Variants in PI4KB observed in about 807,000 individuals in gnomAD.
PI4KB encodes PtdIns 4-kinase beta.
In PI4KB, 23 loss-of-function variants were observed where a neutral mutation model predicts 81.4. That is an observed-to-expected ratio of 0.28 (90% CI 0.20 to 0.40). PI4KB has a LOEUF of 0.40. PI4KB is among the 10% of genes least tolerant of loss of function. The pLI is 1.00. For synonymous variants in PI4KB, 381 were observed against 406.8 expected, an observed-to-expected ratio of 0.94 and a Z score of 0.76; for missense variants, 651 against 1,036.6, an observed-to-expected ratio of 0.63 and a Z score of 5.11.
chr1:151,318,573 G>A (rs1031107827), intron 1 of PI4KB, among the ~76,000 whole-genome samples: 3 of 152,024 alleles, frequency 2.0e-5, no homozygotes, highest in Non-Finnish European at 2.9e-5. Flanking sequence ...TTAGCTGGGC[G>A]TGGTGGCGCA....
At chr1:151,327,472 C>G (rs1211870072), upstream of PI4KB, 2 of 396,866 alleles carry the variant, frequency 5.0e-6, no homozygotes, top group South Asian at 2.6e-4. Flanking sequence ...CAAGTTCGAC[C>G]GGGCCACACA....
intron 5 of PI4KB, among the ~76,000 whole-genome samples, chr1:151,304,445 G>A (rs1557795510): frequency 2.0e-5 from 3 of 150,316 alleles, no homozygotes; most frequent in Non-Finnish European, 4.4e-5. Flanking sequence ...CCAGGTTCAA[G>A]CGATTCTCCT....
rs1367335821 is a variant in PI4KB at position 151,292,530 on chromosome 1, A to G, written c.*322T>C. Reference sequence around the variant, plus strand: ...GAAAGAACCTCTGAGAGACCCCTACAAGGAGAAGAAAGGCCCCAGTGTCCC... The same window carrying G: ...GAAAGAACCTCTGAGAGACCCCTACGAGGAGAAGAAAGGCCCCAGTGTCCC... On this transcript the variant is annotated 3_prime_UTR_variant, in exon 12 of 12. Coordinates refer to ENST00000368873, the MANE Select transcript of PI4KB (RefSeq NM_001369623.2). 7 of 279,766 alleles carry G rather than the reference A, an allele frequency of 2.5e-5. No homozygotes were observed. The highest frequency in any genetic ancestry group is 4.8e-5 in the Non-Finnish European group (7 of 146,430). The allele number at this position is 279,766 out of a possible 1,614,324, so 17.3% of individuals were successfully genotyped here. A position where few individuals can be genotyped will look rare whatever the true frequency, so the allele number is the denominator to read the frequency against.
intron 3 of PI4KB, among the ~76,000 whole-genome samples, chr1:151,308,149 G>C (rs1482594074): frequency 1.3e-5 from 2 of 152,208 alleles, no homozygotes; most frequent in Admixed American, 6.5e-5. Flanking sequence ...CAGGGCCACA[G>C]AGAGAAGAGC....
rs1475437316 is a variant in PI4KB at position 151,306,495 on chromosome 1, A to G, written c.1183-132T>C. 1.6e-5 allele frequency: 10 copies of G among 644,678 alleles called. No homozygotes were observed. In the Admixed American group the frequency reaches 1.8e-4, roughly 11 times the overall value. 39.9% of individuals were successfully genotyped at this position (644,678 alleles called of 1,614,324 possible). ...CTTCATCCAATAGTCCTCTGAAACT[A>G]TGAACACTATATTTAGGGCAGATAC... On this transcript the variant is annotated intron_variant, in intron 4 of 11. Coordinates refer to ENST00000368873, the MANE Select transcript of PI4KB (RefSeq NM_001369623.2).
chr1:151,302,555 A>G (rs2101937599), intron 6 of PI4KB, among the ~76,000 whole-genome samples: 1 of 150,414 alleles, frequency 6.6e-6, no homozygotes, highest in African/African-American at 2.4e-5. Context: ...TGTCTCTAGA[A>G]TTTGCATTTT....
chr1:151,293,545 A>G, intron 11 of PI4KB: 2 of 552,824 alleles, frequency 3.6e-6, no homozygotes, highest in Non-Finnish European at 5.5e-6. Context: ...GAGGAGGGGG[A>G]TGAGGACAGA....
chr1:151,301,468 G>A (rs952890719), intron 8 of PI4KB, among the ~76,000 whole-genome samples: 3 of 151,974 alleles, frequency 2.0e-5, no homozygotes, highest in Admixed American at 6.6e-5. Flanking sequence ...TGCAATCTCC[G>A]CTCACTGCAA....
chr1:151,293,714 C>CA (rs928536311), intron 11 of PI4KB: 2 of 350,182 alleles, frequency 5.7e-6, no homozygotes, highest in East Asian at 1.5e-4. Flanking sequence ...CTGAGAAACT[C>CA]AGAGCTGGAC....
Position 151,292,781 on chromosome 1 carries a change from G to T in PI4KB, c.*71C>A. Reference sequence around the variant, plus strand: ...TGGGTAGGTGGGGTTTCCTGGTTTGGGGTTTCTCAGACAAGGGCCCTCTAG... The same window carrying T: ...TGGGTAGGTGGGGTTTCCTGGTTTGTGGTTTCTCAGACAAGGGCCCTCTAG... On this transcript the variant is annotated 3_prime_UTR_variant, in exon 12 of 12. Coordinates refer to ENST00000368873, the MANE Select transcript of PI4KB (RefSeq NM_001369623.2). The T allele has an allele frequency of 7.1e-7, 1 of 1,413,510 alleles. No individual in the cohort carries two copies. Among genetic ancestry groups the T allele is most frequent in the Non-Finnish European group, 9.7e-7 (1 of 1,029,708 alleles). The allele number at this position is 1,413,510 out of a possible 1,614,324, so 87.6% of individuals were successfully genotyped here.
intron 10 of PI4KB, 94 bp downstream of exon 10, chr1:151,294,315 C>A: frequency 6.6e-7 from 1 of 1,509,292 alleles, no homozygotes; most frequent in South Asian, 1.2e-5. Flanking sequence ...CTGTTCTGTT[C>A]ATCCCTAATT....
Position 151,315,962 on chromosome 1 carries a change from A to T in PI4KB, c.520T>A (p.Phe174Ile). 1.2e-6 allele frequency: 2 copies of T among 1,613,112 alleles called. No individual in the cohort carries two copies. The highest frequency in any genetic ancestry group is 1.7e-6 in the Non-Finnish European group (2 of 1,179,222). ...LFCFRNEDVDFYLPQLLNMYI... is the reference protein window; with the variant it reads ...LFCFRNEDVDIYLPQLLNMYI... ...ATGTTAAGCAACTGGGGCAGATAGA[A>T]GTCCACGTCCTCGTTGCGAAAGCAG... The change falls in exon 2 of 12, where the codon TTC becomes ATC. Residue 174 changes from phenylalanine to isoleucine, a missense_variant. By Grantham distance (21) the Phe-to-Ile change is conservative. Coordinates refer to ENST00000368873, the MANE Select transcript of PI4KB (RefSeq NM_001369623.2).
chr1:151,297,834 C>G (rs910427719), intron 9 of PI4KB, among the ~76,000 whole-genome samples: 1 of 152,162 alleles, frequency 6.6e-6, no homozygotes. Flanking sequence ...CCACCACACC[C>G]AGCCATTATT....
At chr1:151,297,054 G>A (rs1171653445) in intron 9 of PI4KB, among the ~76,000 whole-genome samples, 3 of 152,206 alleles carry the variant, frequency 2.0e-5, no homozygotes, top group Non-Finnish European at 4.4e-5. Context: ...TGGGATTACA[G>A]GCGTGAGCCA....
At chr1:151,305,577 C>T (rs1013042098) in intron 5 of PI4KB, among the ~76,000 whole-genome samples, 1 of 152,188 alleles carries the variant, frequency 6.6e-6, no homozygotes, top group African/African-American at 2.4e-5. Context: ...ATTACTTCCT[C>T]CAGGAAATCT....
At chr1:151,320,570 C>G (rs1218311425) in intron 1 of PI4KB, among the ~76,000 whole-genome samples, 1 of 152,228 alleles carries the variant, frequency 6.6e-6, no homozygotes, top group African/African-American at 2.4e-5. Flanking sequence ...TCACTATGCT[C>G]TCTCCCAAAA....
intron 1 of PI4KB, among the ~76,000 whole-genome samples, chr1:151,322,880 G>A (rs1004291011): frequency 2.0e-5 from 3 of 151,986 alleles, no homozygotes; most frequent in South Asian, 2.1e-4. Context: ...CTACCCTCCC[G>A]CCTAGGCCTC....
chr1:151,312,196 C>T (rs187157715), intron 2 of PI4KB, among the ~76,000 whole-genome samples: 18 of 152,332 alleles, frequency 1.2e-4, no homozygotes, highest in Admixed American at 1.2e-3. Context: ...GAGCAGAGAA[C>T]AACTCTGCAG....
chr1:151,326,984 T>C (rs1649705405), intron 1 of PI4KB, among the ~76,000 whole-genome samples: 1 of 151,636 alleles, frequency 6.6e-6, no homozygotes, highest in Admixed American at 6.6e-5. Flanking sequence ...AAAGGGTTCA[T>C]GACTTAAAAA....
Sources: gnomAD v4.1 joint callset for allele counts (sites outside exome capture counted in the v4.1 genomes callset) on GRCh38, gnomAD v4.1.1 for gene constraint, MANE v1.5 for transcripts, NCBI Gene and HGNC (gene_info 2026-07-23, HGNC 2026-07-21) for gene names.